SUCLG2: variants seen among roughly 807,000 people sequenced by gnomAD.
The protein encoded by SUCLG2 is succinate--CoA ligase [GDP-forming] subunit beta, mitochondrial.
A neutral mutation model predicts 47.9 loss-of-function variants in SUCLG2; 42 were observed. The observed-to-expected ratio is 0.88, with a 90% CI of 0.69 to 1.14. The LOEUF (loss-of-function observed/expected upper bound fraction) is 1.14. SUCLG2 is among the 50% of genes most tolerant of loss of function. The pLI is 0.00. For synonymous variants in SUCLG2, 195 were observed against 197.3 expected (o/e 0.99, Z 0.10); for missense variants, 571 against 525.9 (o/e 1.09, Z -0.84).
chr3:67,435,036 T>C (rs1474451832), intron 9 of SUCLG2, among the ~76,000 whole-genome samples: 1 of 152,218 alleles, frequency 6.6e-6, no homozygotes, highest in Non-Finnish European at 1.5e-5. Context: ...GTCAATCGTA[T>C]AATAGCTTTT....
intron 2 of SUCLG2, among the ~76,000 whole-genome samples, chr3:67,544,569 T>C (rs1023600869): frequency 6.6e-6 from 1 of 152,182 alleles, no homozygotes; most frequent in Non-Finnish European, 1.5e-5. Context: ...CTTTCCTTTA[T>C]AAATTACTAG....
At chr3:67,553,149 G>A (rs1707063223) in intron 2 of SUCLG2, among the ~76,000 whole-genome samples, 1 of 152,136 alleles carries the variant, frequency 6.6e-6, no homozygotes, top group Non-Finnish European at 1.5e-5. Flanking sequence ...AGGTACTGAA[G>A]GCTGACAATC....
chr3:67,443,984 G>T (rs1319104642), intron 9 of SUCLG2, among the ~76,000 whole-genome samples: 4 of 115,560 alleles, frequency 3.5e-5, no homozygotes, highest in East Asian at 3.7e-4. Context: ...CCCCCGCCCG[G>T]CCAGCCGCCC....
chr3:67,451,386 C>T (rs975256283), intron 9 of SUCLG2, among the ~76,000 whole-genome samples: 10 of 152,252 alleles, frequency 6.6e-5, no homozygotes, highest in South Asian at 2.1e-4. Context: ...TCTTCGTTTT[C>T]GTAAGTAAGT....
intron 9 of SUCLG2, among the ~76,000 whole-genome samples, chr3:67,466,430 G>A (rs1704474233): frequency 6.6e-6 from 1 of 152,160 alleles, no homozygotes; most frequent in African/African-American, 2.4e-5. Context: ...TAACATACTA[G>A]GTAAACTGAA....
chr3:67,462,918 A>C (rs1370724103), intron 9 of SUCLG2, among the ~76,000 whole-genome samples: 1 of 152,160 alleles, frequency 6.6e-6, no homozygotes, highest in Non-Finnish European at 1.5e-5. Context: ...TGCAGAATTG[A>C]TTGCTTGCTT....
intron 5 of SUCLG2, among the ~76,000 whole-genome samples, chr3:67,518,979 T>C (rs143972264): frequency 1.3e-5 from 2 of 152,146 alleles, no homozygotes; most frequent in Admixed American, 1.3e-4. Context: ...AGTGAAAATA[T>C]TTTAAAACCA....
chr3:67,520,227 A>C (rs1236334370), intron 5 of SUCLG2, among the ~76,000 whole-genome samples: 1 of 152,194 alleles, frequency 6.6e-6, no homozygotes, highest in African/African-American at 2.4e-5. Context: ...GAAAGGAATC[A>C]GGGAGGAAGA....
At chr3:67,537,519 G>A (rs539950224) in intron 2 of SUCLG2, among the ~76,000 whole-genome samples, 16 of 152,248 alleles carry the variant, frequency 1.1e-4, no homozygotes, top group East Asian at 7.7e-4. Flanking sequence ...GCACAGTGCC[G>A]AAATAAACAT....
intron 10 of SUCLG2, among the ~76,000 whole-genome samples, chr3:67,387,488 C>G (rs1219616819): frequency 1.3e-5 from 2 of 152,136 alleles, no homozygotes; most frequent in African/African-American, 2.4e-5. Context: ...TTCTGGGGAT[C>G]CTTTCTGTGC....
At chr3:67,379,989 C>G (rs958155596) in intron 10 of SUCLG2, among the ~76,000 whole-genome samples, 10 of 152,222 alleles carry the variant, frequency 6.6e-5, no homozygotes, top group African/African-American at 2.4e-4. Flanking sequence ...TATCCGTTAG[C>G]TAGCAGTACG....
At chr3:67,555,235 A>G (rs982696654) in intron 2 of SUCLG2, among the ~76,000 whole-genome samples, 1 of 152,208 alleles carries the variant, frequency 6.6e-6, no homozygotes, top group African/African-American at 2.4e-5. Context: ...TGGAAGTATC[A>G]ATATAAACCC....
At chr3:67,458,386 T>C (rs1704240341) in intron 9 of SUCLG2, among the ~76,000 whole-genome samples, 1 of 152,194 alleles carries the variant, frequency 6.6e-6, no homozygotes, top group Non-Finnish European at 1.5e-5. Flanking sequence ...CCAATTTGAA[T>C]AACGCCTCCT....
intron 9 of SUCLG2, chr3:67,409,098 T>C: frequency 1.4e-6 from 1 of 735,156 alleles, no homozygotes. Flanking sequence ...GGGTTTTAGT[T>C]CTTTACAATA....
At chr3:67,609,353 G>T in intron 2 of SUCLG2, 102 bp downstream of exon 2, 2 of 1,368,420 alleles carry the variant, frequency 1.5e-6, no homozygotes, top group Non-Finnish European at 2.0e-6. Context: ...ATCTGTCCCT[G>T]TCAGTTTAAT....
At chr3:67,439,153 T>A (rs969822669) in intron 9 of SUCLG2, among the ~76,000 whole-genome samples, 13 of 152,328 alleles carry the variant, frequency 8.5e-5, no homozygotes, top group African/African-American at 3.1e-4. Flanking sequence ...ATTATCTCAA[T>A]AGATGCAGAA....
chr3:67,421,595 G>C (rs1703159009), intron 9 of SUCLG2, among the ~76,000 whole-genome samples: 2 of 152,312 alleles, frequency 1.3e-5, no homozygotes, highest in South Asian at 2.1e-4. Context: ...GTCAATCACA[G>C]TGAAGATCAC....
At chr3:67,412,750 G>C (rs961322933) in intron 9 of SUCLG2, among the ~76,000 whole-genome samples, 2 of 152,064 alleles carry the variant, frequency 1.3e-5, no homozygotes, top group African/African-American at 4.8e-5. Flanking sequence ...GCGATCCCAC[G>C]CTGCCAGCCC....
At chr3:67,528,243 G>T (rs754185111) in intron 3 of SUCLG2, 21 bp from the exon 4 acceptor site, 7 of 1,601,004 alleles carry the variant, frequency 4.4e-6, no homozygotes, top group East Asian at 2.2e-5. Flanking sequence ...GAGAAAACAA[G>T]CAGAAAATGA....
Sources: allele counts gnomAD v4.1 joint callset (sites outside exome capture counted in the v4.1 genomes callset), GRCh38; gene constraint gnomAD v4.1.1; transcripts MANE v1.5; gene names NCBI Gene and HGNC (gene_info 2026-07-23, HGNC 2026-07-21).